Variants in JAKMIP2 observed in about 807,000 individuals in gnomAD.
JAKMIP2 encodes the protein janus kinase and microtubule interacting protein 2.
In JAKMIP2, 25 loss-of-function variants were observed where a neutral mutation model predicts 115.0. That is an observed-to-expected ratio of 0.22 (90% confidence interval 0.16 to 0.30). The LOEUF is 0.30. Among genes scored for constraint, JAKMIP2 ranks in the 10% least tolerant of loss-of-function variants. JAKMIP2 has a pLI of 1.00. For missense variants in JAKMIP2, 642 were observed against 957.6 expected (o/e 0.67, Z 4.35); for synonymous variants, 334 against 343.6 (o/e 0.97, Z 0.31).
At chr5:147,655,594 C>G (rs892570412) in intron 3 of JAKMIP2, among the ~76,000 whole-genome samples, 3 of 151,614 alleles carry the variant, frequency 2.0e-5, no homozygotes, top group Non-Finnish European at 4.4e-5. Flanking sequence ...CTCTTTTTTT[C>G]TTTATTAGTC....
intron 1 of JAKMIP2, among the ~76,000 whole-genome samples, chr5:147,694,689 A>T (rs1752025904): frequency 6.6e-6 from 1 of 152,290 alleles, no homozygotes; most frequent in South Asian, 2.1e-4. Flanking sequence ...TTGAGACTGC[A>T]TCTTTCTTAA....
intron 2 of JAKMIP2, among the ~76,000 whole-genome samples, chr5:147,668,293 G>T (rs1036439671): frequency 6.6e-6 from 1 of 152,158 alleles, no homozygotes; most frequent in African/African-American, 2.4e-5. Flanking sequence ...TATCTCTGAG[G>T]GAGAGTAAAA....
intron 1 of JAKMIP2, among the ~76,000 whole-genome samples, chr5:147,765,012 A>AGAGAGAGAGAGAGAG (rs1755101644): frequency 2.6e-5 from 1 of 38,976 alleles, no homozygotes; most frequent in Non-Finnish European, 6.0e-5. Flanking sequence ...GAGAGAGAGA[A>AGAGAGAGAGAGAGAG]AGGGAGACAG....
intron 1 of JAKMIP2, among the ~76,000 whole-genome samples, chr5:147,764,969 G>GAGAGAGAGAGAGA (rs1561582766): frequency 2.9e-5 from 1 of 33,904 alleles, no homozygotes; most frequent in Non-Finnish European, 5.0e-5. Flanking sequence ...AGAGAGAGGG[G>GAGAGAGAGAGAGA]GAGAGAGAGA....
chr5:147,591,401 T>G lies in JAKMIP2; in HGVS notation c.*306A>C, dbSNP rs1185495062. 2.4e-6 allele frequency: 1 copy of G among 413,842 alleles called. No individual in the cohort carries two copies. The highest frequency in any genetic ancestry group is 2.1e-5 in the African/African-American group (1 of 47,272). 25.6% of individuals were successfully genotyped at this position (413,842 alleles called of 1,614,324 possible). On this transcript the variant is annotated 3_prime_UTR_variant, in exon 22 of 22. Coordinates refer to ENST00000616793, the MANE Select transcript of JAKMIP2 (RefSeq NM_001270941.2). ...CTTGATCTGCAGAAACTAGTTCCAT[T>G]GCTGAACTTTTTCTTTACACAATAT...
rs571911466 is a variant in JAKMIP2, at chr5:147,631,468, G to A, written c.1820C>T (p.Pro607Leu). ...RSPPFNLQIH[P>L]FSDGVSALQI... Reference sequence around the variant, plus strand: ...TAGAGCACTCACACCATCTGAGAATGGGTGAATTTGGAGATTAAATGGAGG... The same window carrying A: ...TAGAGCACTCACACCATCTGAGAATAGGTGAATTTGGAGATTAAATGGAGG... The change falls in exon 14 of 22, where the codon CCA becomes CTA. Residue 607 changes from proline to leucine, a missense_variant. Physicochemically the swap from Pro to Leu is moderately conservative, Grantham distance 98 (BLOSUM62 -3). Transcript: ENST00000616793. 1.9e-6 allele frequency: 3 copies of A among 1,611,870 alleles called. No individual in the cohort carries two copies. The highest frequency in any genetic ancestry group is 2.2e-5 in the South Asian group (2 of 90,988).
chr5:147,600,087 G>GTTTTTTTTT (rs369043130), intron 21 of JAKMIP2, among the ~76,000 whole-genome samples: 1 of 67,942 alleles, frequency 1.5e-5, no homozygotes, highest in Non-Finnish European at 2.8e-5. Flanking sequence ...TTTATTTACT[G>GTTTTTTTTT]TTTTTTTTTT....
intron 21 of JAKMIP2, among the ~76,000 whole-genome samples, chr5:147,599,938 A>G (rs1419441313): frequency 6.6e-6 from 1 of 152,134 alleles, no homozygotes; most frequent in Admixed American, 6.6e-5. Flanking sequence ...CCCAGGACAT[A>G]ATCAGCTTTG....
chr5:147,758,096 T>C (rs1202264352), intron 1 of JAKMIP2, among the ~76,000 whole-genome samples: 1 of 152,160 alleles, frequency 6.6e-6, no homozygotes, highest in African/African-American at 2.4e-5. Flanking sequence ...TAGTCAAATG[T>C]AGTAACACAC....
At chr5:147,734,329 A>C (rs1753840229) in intron 1 of JAKMIP2, among the ~76,000 whole-genome samples, 1 of 152,200 alleles carries the variant, frequency 6.6e-6, no homozygotes. Flanking sequence ...GCCATAAAAA[A>C]TAATGAGTTC....
chr5:147,662,006 A>T (rs1466190933), intron 2 of JAKMIP2: 1 of 152,050 alleles, frequency 6.6e-6, no homozygotes, highest in African/African-American at 2.4e-5. Context: ...TAGTGCCTCA[A>T]GTGATATTAT....
chr5:147,672,022 T>TGA, intron 1 of JAKMIP2, 68 bp from the exon 2 acceptor site: 1 of 1,132,976 alleles, frequency 8.8e-7, no homozygotes, highest in Non-Finnish European at 1.1e-6. Flanking sequence ...GTCAGTCTAC[T>TGA]CTCAGCCTGA....
At chr5:147,720,343 C>T (rs1366754677) in intron 1 of JAKMIP2, among the ~76,000 whole-genome samples, 1 of 150,178 alleles carries the variant, frequency 6.7e-6, no homozygotes, top group African/African-American at 2.5e-5. Context: ...TTGCTCTTCT[C>T]GAGGAGTATC....
intron 1 of JAKMIP2, among the ~76,000 whole-genome samples, chr5:147,672,874 C>A (rs1429109448): frequency 6.6e-6 from 1 of 152,198 alleles, no homozygotes; most frequent in African/African-American, 2.4e-5. Context: ...TGATTAATTA[C>A]ACCCCTAAAT....
At chr5:147,695,463 G>A (rs918013294) in intron 1 of JAKMIP2, among the ~76,000 whole-genome samples, 2 of 152,096 alleles carry the variant, frequency 1.3e-5, no homozygotes, top group Admixed American at 6.6e-5. Flanking sequence ...ATCCTGTCTC[G>A]AGAGAGCCAG....
In JAKMIP2 at chr5:147,650,381, A is replaced by C. The variant is rs1758337918; in HGVS notation, c.794T>G (p.Ile265Ser). The change falls in exon 4 of 22, where the codon ATT (isoleucine) becomes AGT (serine). Residue 265 changes from isoleucine to serine, a missense_variant. Physicochemically the swap from Ile to Ser is moderately radical, Grantham distance 142. Coordinates refer to ENST00000616793, the MANE Select transcript of JAKMIP2 (RefSeq NM_001270941.2). ...ECNMSSPKRE[I>S]PGRAGDGSEH... Reference sequence around the variant, plus strand: ...GGAACCATCACCTGCCCTTCCTGGAATTTCTCGTTTTGGGCTGCTCATGTT... The same window carrying C: ...GGAACCATCACCTGCCCTTCCTGGACTTTCTCGTTTTGGGCTGCTCATGTT... The C allele has an allele frequency of 6.2e-7, 1 of 1,613,654 alleles. No homozygotes were observed. Among genetic ancestry groups the C allele is most frequent in the Non-Finnish European group, 8.5e-7 (1 of 1,179,770 alleles).
At chr5:147,748,197 G>A (rs1048195666) in intron 1 of JAKMIP2, among the ~76,000 whole-genome samples, 6 of 152,132 alleles carry the variant, frequency 3.9e-5, no homozygotes, top group African/African-American at 1.4e-4. Flanking sequence ...TTGACATTCT[G>A]TGTCTTCACG....
At position 147,591,434 on chromosome 5, in the gene JAKMIP2, T is replaced by C. The variant is rs535413202; in HGVS notation, c.*273A>G. The C allele has an allele frequency of 1.4e-5, 7 of 504,764 alleles. No individual in the cohort carries two copies. The highest frequency in any genetic ancestry group is 6.1e-5 in the African/African-American group (3 of 49,232). 31.3% of individuals were successfully genotyped at this position (504,764 alleles called of 1,614,324 possible). A position where few individuals can be genotyped will look rare whatever the true frequency, so the allele number is the denominator to read the frequency against. On this transcript the variant is annotated 3_prime_UTR_variant, in exon 22 of 22. Coordinates refer to ENST00000616793, the MANE Select transcript of JAKMIP2 (RefSeq NM_001270941.2). Reference sequence around the variant, plus strand: ...TTTTTCTTTACACAATATATGTTTATAGTTCTTCTCTTCTGATTTGACATA... The same window carrying C: ...TTTTTCTTTACACAATATATGTTTACAGTTCTTCTCTTCTGATTTGACATA...
chr5:147,595,981 C>T (rs1433990201), intron 21 of JAKMIP2, among the ~76,000 whole-genome samples: 1 of 152,090 alleles, frequency 6.6e-6, no homozygotes, highest in African/African-American at 2.4e-5. Context: ...GGAATCACAA[C>T]TGAACTGAGA....
Sources: gnomAD v4.1 joint callset for allele counts (sites outside exome capture counted in the v4.1 genomes callset) on GRCh38, gnomAD v4.1.1 for gene constraint, MANE v1.5 for transcripts, NCBI Gene and HGNC (gene_info 2026-07-23, HGNC 2026-07-21) for gene names.